The following CSMD2 variants were observed in gnomAD, a reference collection of about 807,000 sequenced individuals.
The protein encoded by CSMD2 is CUB and Sushi multiple domains 2.
CSMD2 carries 130 observed loss-of-function variants against 398.5 expected under a neutral mutation model. The observed-to-expected ratio is 0.33, with a 90% CI of 0.28 to 0.38. CSMD2 has a LOEUF of 0.38. Among genes scored for constraint, CSMD2 ranks in the 10% least tolerant of loss-of-function variants. CSMD2 has a pLI of 1.00. For synonymous variants in CSMD2, 1,828 were observed against 1,908.5 expected, an observed-to-expected ratio of 0.96 and a Z score of 1.10; for missense variants, 3,829 against 4,764.9, an observed-to-expected ratio of 0.80 and a Z score of 5.78.
intron 11 of CSMD2, among the ~76,000 whole-genome samples, chr1:33,789,715 G>A (rs1354016445): frequency 6.6e-6 from 1 of 152,228 alleles, no homozygotes; most frequent in Non-Finnish European, 1.5e-5. Flanking sequence ...GGATATGGAA[G>A]TGGAGCTCGG....
intron 3 of CSMD2, among the ~76,000 whole-genome samples, chr1:33,985,961 C>A (rs2147975337): frequency 6.6e-6 from 1 of 152,252 alleles, no homozygotes; most frequent in East Asian, 1.9e-4. Context: ...TTTCCCTTGT[C>A]CAACCCCTGA....
At chr1:33,938,593 G>T (rs568519830) in intron 3 of CSMD2, among the ~76,000 whole-genome samples, 1 of 149,100 alleles carries the variant, frequency 6.7e-6, no homozygotes, top group East Asian at 2.0e-4. Context: ...CATTTCCCAT[G>T]ATACCATGTT....
At chr1:33,790,726 AATCATCT>A (rs1423514901) in intron 11 of CSMD2, among the ~76,000 whole-genome samples, 2 of 151,002 alleles carry the variant, frequency 1.3e-5, no homozygotes, top group Non-Finnish European at 2.9e-5. Flanking sequence ...ATCATCTATC[AATCATCT>A]ATCATCTATT....
intron 2 of CSMD2, among the ~76,000 whole-genome samples, chr1:34,063,803 C>T (rs1198866198): frequency 6.6e-6 from 1 of 152,236 alleles, no homozygotes; most frequent in Non-Finnish European, 1.5e-5. Flanking sequence ...CTGCACTGCC[C>T]TAGCAGAGGT....
intron 40 of CSMD2, among the ~76,000 whole-genome samples, chr1:33,612,171 C>T (rs777556241): frequency 2.0e-5 from 3 of 152,172 alleles, no homozygotes; most frequent in Non-Finnish European, 2.9e-5. Flanking sequence ...CATGGTAACG[C>T]TGGGAGACTA....
chr1:34,079,646 A>C (rs1161323241), intron 2 of CSMD2, among the ~76,000 whole-genome samples: 1 of 152,204 alleles, frequency 6.6e-6, no homozygotes, highest in East Asian at 1.9e-4. Flanking sequence ...AGATACCTAC[A>C]TGCTACAAAC....
intron 49 of CSMD2, among the ~76,000 whole-genome samples, chr1:33,573,523 C>CA (rs60051115): frequency 0.052 from 7,225 of 138,184 alleles, 524 homozygotes; most frequent in African/African-American, 0.17. Context: ...AAAAAACAAA[C>CA]AAAAAAAAAA....
At chr1:33,684,769 G>A (rs931630151) in intron 25 of CSMD2, among the ~76,000 whole-genome samples, 4 of 152,218 alleles carry the variant, frequency 2.6e-5, no homozygotes, top group African/African-American at 9.7e-5. Context: ...TTAAAGTGCA[G>A]CTGGAAAGGT....
intron 29 of CSMD2, among the ~76,000 whole-genome samples, chr1:33,639,388 A>T (rs1642983099): frequency 6.6e-6 from 1 of 152,254 alleles, no homozygotes; most frequent in South Asian, 2.1e-4. Flanking sequence ...TACAGATGTC[A>T]GAATGTCCTT....
rs1202589422 is a variant in CSMD2 at position 33,709,212 on chromosome 1, G to A, written c.3453C>T (p.Ser1151=). 1.2e-6 allele frequency: 2 copies of A among 1,613,906 alleles called. No homozygotes were observed. The highest frequency in any genetic ancestry group is 2.2e-5 in the South Asian group (2 of 91,056). The change falls in exon 22 of 71, where the codon TCC becomes TCT. Residue 1151 remains serine (S), a synonymous_variant. Transcript: ENST00000373381. The part of the protein sequence containing the change: ...SVTGTQGTLL[S]PNFPVNYNNN... Reference sequence around the variant, plus strand: ...TATTGTAGTTCACAGGAAAGTTGGGGGACAGCAAAGTACCCTGAGTGCCTG... The same window carrying A: ...TATTGTAGTTCACAGGAAAGTTGGGAGACAGCAAAGTACCCTGAGTGCCTG...
At chr1:33,719,388 A>G (rs936654942) in intron 19 of CSMD2, among the ~76,000 whole-genome samples, 9 of 152,158 alleles carry the variant, frequency 5.9e-5, no homozygotes, top group Non-Finnish European at 1.2e-4. Context: ...AGGGGTAAAC[A>G]TTTGGCTGGG....
chr1:33,940,594 T>C (rs1343228691), intron 3 of CSMD2, among the ~76,000 whole-genome samples: 1 of 152,110 alleles, frequency 6.6e-6, no homozygotes, highest in Non-Finnish European at 1.5e-5. Context: ...ATTCACTTGC[T>C]TGCCCAAGGC....
At chr1:33,757,592 C>T (rs989211780) in intron 13 of CSMD2, among the ~76,000 whole-genome samples, 1 of 152,172 alleles carries the variant, frequency 6.6e-6, no homozygotes, top group Non-Finnish European at 1.5e-5. Flanking sequence ...ATTCTAGTAA[C>T]CCAAACCCTC....
Position 33,723,312 on chromosome 1 carries a change from T to C in CSMD2, c.3001+885A>G, listed in dbSNP as rs114244078. ...GTTCTGAAAACATAGATGCCTGGTT[T>C]CCACCGCCAACGTAGAAAATCAAAA... On this transcript the variant is annotated intron_variant, in intron 19 of 70. Coordinates refer to ENST00000373381, the MANE Select transcript of CSMD2 (RefSeq NM_001281956.2). 4.5e-3 allele frequency among the ~76,000 whole-genome samples: 681 copies of C among 152,346 alleles called. 6 individuals carry two copies. Among genetic ancestry groups the C allele is most frequent in the African/African-American group, 0.016 (661 of 41,586 alleles).
At chr1:33,753,650 C>A (rs574901113) in intron 13 of CSMD2, among the ~76,000 whole-genome samples, 4 of 152,338 alleles carry the variant, frequency 2.6e-5, no homozygotes, top group Non-Finnish European at 5.9e-5. Context: ...AAGCTTGCAT[C>A]CTGAGCCTGG....
chr1:33,657,342 C>A (rs566684427), intron 27 of CSMD2, among the ~76,000 whole-genome samples: 1 of 152,266 alleles, frequency 6.6e-6, no homozygotes, highest in Admixed American at 6.5e-5. Flanking sequence ...GGTGTGGTGG[C>A]ACAGGCCTGC....
chr1:33,602,522 GA>G lies in CSMD2; in HGVS notation c.6556del (p.Ser2186LeufsTer24). 6.3e-7 allele frequency: 1 copy of G among 1,581,578 alleles called. No individual in the cohort carries two copies. Among genetic ancestry groups the G allele is most frequent in the Non-Finnish European group, 8.6e-7 (1 of 1,164,694 alleles). ...CEVPCGGNIT[S>X]SNGTVYSPGF... Reference sequence around the variant, plus strand: ...CGGGGAGTACACAGTGCCGTTGGAAGAAGTGATGTTCCCGCCACAAGGGACT... The same window carrying G: ...CGGGGAGTACACAGTGCCGTTGGAAGAGTGATGTTCCCGCCACAAGGGACT... On this transcript the variant is annotated frameshift_variant, in exon 43 of 71. Coordinates refer to ENST00000373381, the MANE Select transcript of CSMD2 (RefSeq NM_001281956.2). LOFTEE classifies it high-confidence loss of function.
intron 12 of CSMD2, among the ~76,000 whole-genome samples, chr1:33,776,393 G>C (rs1229075494): frequency 6.6e-6 from 1 of 152,180 alleles, no homozygotes; most frequent in Non-Finnish European, 1.5e-5. Context: ...GGAGACCGAG[G>C]GAGATCCTGT....
chr1:33,945,995 T>C (rs1054290959), intron 3 of CSMD2, among the ~76,000 whole-genome samples: 1 of 152,200 alleles, frequency 6.6e-6, no homozygotes, highest in Non-Finnish European at 1.5e-5. Flanking sequence ...AAAATTATTT[T>C]CCGGTGTGTT....
Sources: gnomAD v4.1 joint callset for allele counts (sites outside exome capture counted in the v4.1 genomes callset) on GRCh38, gnomAD v4.1.1 for gene constraint, MANE v1.5 for transcripts, NCBI Gene and HGNC (gene_info 2026-07-23, HGNC 2026-07-21) for gene names.